Variants in KCNN2 observed in about 807,000 individuals in gnomAD.
The protein encoded by KCNN2 is potassium calcium-activated channel subfamily N member 2.
KCNN2 carries 24 observed loss-of-function variants against 55.5 expected under a neutral mutation model. The observed-to-expected ratio is 0.43, with a 90% CI of 0.31 to 0.61. The LOEUF is 0.61. Among genes scored for constraint, KCNN2 ranks in the 20% least tolerant of loss-of-function variants. The pLI, the probability that KCNN2 is intolerant of heterozygous loss-of-function variation, is 0.08. For synonymous variants in KCNN2, 431 were observed against 336.1 expected (o/e 1.28, Z -3.09); for missense variants, 754 against 853.6 (o/e 0.88, Z 1.45).
At chr5:114,406,575 T>C (rs1003703954) in intron 3 of KCNN2, among the ~76,000 whole-genome samples, 2 of 152,124 alleles carry the variant, frequency 1.3e-5, no homozygotes, top group African/African-American at 4.8e-5. Context: ...CCTCATTTTT[T>C]ATTTGCTTAG....
intron 2 of KCNN2, among the ~76,000 whole-genome samples, chr5:114,283,946 G>A (rs1755680395): frequency 6.6e-6 from 1 of 152,136 alleles, no homozygotes; most frequent in South Asian, 2.1e-4. Context: ...TTACCCAAGA[G>A]GTCAGCTTGC....
intron 2 of KCNN2, among the ~76,000 whole-genome samples, chr5:114,320,393 C>A (rs1380835343): frequency 6.6e-6 from 1 of 152,068 alleles, no homozygotes; most frequent in Non-Finnish European, 1.5e-5. Flanking sequence ...GCGGGCGGAT[C>A]ATGAGGTCAG....
intron 5 of KCNN2, among the ~76,000 whole-genome samples, chr5:114,479,459 A>G (rs1055980459): frequency 6.6e-6 from 1 of 152,210 alleles, no homozygotes; most frequent in Non-Finnish European, 1.5e-5. Flanking sequence ...ACACAATAAT[A>G]GGAGACTTTA....
At chr5:114,481,959 G>T (rs1254675649) in intron 5 of KCNN2, among the ~76,000 whole-genome samples, 1 of 152,112 alleles carries the variant, frequency 6.6e-6, no homozygotes, top group Non-Finnish European at 1.5e-5. Context: ...GTACCATTCA[G>T]GACATAGTCA....
intron 2 of KCNN2, among the ~76,000 whole-genome samples, chr5:114,376,230 C>T (rs1757936932): frequency 6.6e-6 from 1 of 152,016 alleles, no homozygotes; most frequent in Non-Finnish European, 1.5e-5. Context: ...TCAAATGTGT[C>T]TTATACAAGT....
At position 114,496,045 on chromosome 5, in the gene KCNN2, C is replaced by CA; in HGVS notation, c.2240dup (p.Gln748AlafsTer6). On this transcript the variant is annotated frameshift_variant, in exon 8 of 8. Coordinates refer to ENST00000673685, the MANE Select transcript of KCNN2 (RefSeq NM_021614.4). LOFTEE classifies it high-confidence loss of function. The stretch of plus-strand genomic sequence containing the variant: ...GCTCATAAGCCAGACCATCAGGCAG[C>CA]AGCAGAGAGATTTCATTGAGGCTCA... 1 of 1,614,060 alleles carries CA rather than the reference C, an allele frequency of 6.2e-7. No individual in the cohort carries two copies. Among genetic ancestry groups the CA allele is most frequent in the East Asian group, 2.2e-5 (1 of 44,854 alleles).
chr5:114,249,411 C>T (rs1754814424), intron 2 of KCNN2, among the ~76,000 whole-genome samples: 1 of 151,634 alleles, frequency 6.6e-6, no homozygotes, highest in South Asian at 2.1e-4. Flanking sequence ...CTCAGCCTCC[C>T]AAGTAGCTGG....
intron 1 of KCNN2, among the ~76,000 whole-genome samples, chr5:114,096,016 G>C (rs563973032): frequency 1.2e-3 from 181 of 152,188 alleles, no homozygotes; most frequent in Middle Eastern, 3.4e-3. Flanking sequence ...TGGATCTATA[G>C]ATCCTTTGCC....
chr5:114,231,525 A>G (rs1471296923), intron 2 of KCNN2, among the ~76,000 whole-genome samples: 1 of 151,010 alleles, frequency 6.6e-6, no homozygotes, highest in Admixed American at 6.6e-5. Context: ...TTCTTATTTT[A>G]AAGTTCCTGG....
chr5:114,202,301 G>A (rs1203494339), intron 1 of KCNN2, among the ~76,000 whole-genome samples: 2 of 151,936 alleles, frequency 1.3e-5, no homozygotes, highest in African/African-American at 2.4e-5. Context: ...TCTCACAGCC[G>A]AGATCATTAA....
chr5:114,078,157 A>C (rs1750724255), intron 1 of KCNN2, among the ~76,000 whole-genome samples: 1 of 152,224 alleles, frequency 6.6e-6, no homozygotes. Flanking sequence ...GATGGGTATT[A>C]AAATGATTAA....
intron 2 of KCNN2, among the ~76,000 whole-genome samples, chr5:114,242,129 A>T (rs1206946796): frequency 6.6e-6 from 1 of 151,538 alleles, no homozygotes; most frequent in Non-Finnish European, 1.5e-5. Context: ...GGACCCTAAA[A>T]TTTTTATAAT....
chr5:114,471,815 T>A (rs1161688697), intron 4 of KCNN2, among the ~76,000 whole-genome samples: 1 of 152,336 alleles, frequency 6.6e-6, no homozygotes, highest in East Asian at 1.9e-4. Flanking sequence ...TGGCAATGTT[T>A]CCATGATCAT....
At chr5:114,148,143 A>G (rs1039402813) in intron 1 of KCNN2, among the ~76,000 whole-genome samples, 2 of 152,188 alleles carry the variant, frequency 1.3e-5, no homozygotes, top group Admixed American at 1.3e-4. Context: ...AATGGAAGGT[A>G]TAGTGAGAGC....
rs540542551 is a variant in KCNN2 at position 114,140,668 on chromosome 5, C to T, written c.-270-80812C>T. Among the ~76,000 whole-genome samples the T allele has an allele frequency of 1.5e-4, 22 of 151,234 alleles. No individual in the cohort carries two copies. The South Asian group carries it at 4.6e-3, about 32-fold the overall frequency. On this transcript the variant is annotated intron_variant, in intron 1 of 10. Transcript: ENST00000512097. ...TTTAGAATTAGGATTTGGTTTTTTT[C>T]TATGTATTTATCAATGGCTATCAAA...
intron 1 of KCNN2, among the ~76,000 whole-genome samples, chr5:114,189,040 A>G (rs1321042059): frequency 6.6e-6 from 1 of 152,160 alleles, no homozygotes; most frequent in Non-Finnish European, 1.5e-5. Flanking sequence ...GAAGTGATAC[A>G]AAGTTGAATC....
intron 2 of KCNN2, among the ~76,000 whole-genome samples, chr5:114,297,270 A>G (rs1393341432): frequency 6.6e-6 from 1 of 152,112 alleles, no homozygotes; most frequent in Non-Finnish European, 1.5e-5. Context: ...GTGAGCTGTG[A>G]TTGCACCACT....
chr5:114,150,490 A>G (rs749559104), intron 1 of KCNN2, among the ~76,000 whole-genome samples: 6 of 152,224 alleles, frequency 3.9e-5, no homozygotes, highest in Non-Finnish European at 8.8e-5. Context: ...AAAGAAAATC[A>G]AAACGTCGAC....
At chr5:114,193,534 C>G (rs1377819575) in intron 1 of KCNN2, among the ~76,000 whole-genome samples, 2 of 152,138 alleles carry the variant, frequency 1.3e-5, no homozygotes, top group Non-Finnish European at 2.9e-5. Context: ...TTCTTCTCAA[C>G]TCACTCTGGA....
Sources: allele counts gnomAD v4.1 joint callset (sites outside exome capture counted in the v4.1 genomes callset), GRCh38; gene constraint gnomAD v4.1.1; transcripts MANE v1.5; gene names NCBI Gene and HGNC (gene_info 2026-07-23, HGNC 2026-07-21).